VWA8: variants seen among roughly 807,000 people sequenced by gnomAD.
VWA8 encodes von Willebrand factor A domain-containing protein 8.
A neutral mutation model predicts 241.5 loss-of-function variants in VWA8; 221 were observed. That is an observed-to-expected ratio of 0.91 (90% CI 0.82 to 1.02). The LOEUF (loss-of-function observed/expected upper bound fraction) is 1.02, where lower values mean the gene tolerates loss of function less well. Ranked by LOEUF, VWA8 falls within the 50% of genes least tolerant of loss-of-function variation. The probability of loss-of-function intolerance (pLI) is 0.00; values close to 1 mark genes in which losing one functional copy is unlikely to be tolerated. For missense variants in VWA8, 2,322 were observed against 2,328.7 expected, an observed-to-expected ratio of 1.00 and a Z score of 0.06; for synonymous variants, 852 against 827.1, an observed-to-expected ratio of 1.03 and a Z score of -0.52.
intron 14 of VWA8, among the ~76,000 whole-genome samples, chr13:41,824,460 A>G (rs899891314): frequency 6.6e-6 from 1 of 152,166 alleles, no homozygotes; most frequent in Non-Finnish European, 1.5e-5. Flanking sequence ...TCTCTAAGAC[A>G]CCTAAGGAGA....
intron 12 of VWA8, among the ~76,000 whole-genome samples, chr13:41,859,060 G>C (rs1872887396): frequency 6.8e-6 from 1 of 146,930 alleles, no homozygotes; most frequent in African/African-American, 2.5e-5. Context: ...CTGGTGGACA[G>C]AGCAAAAACC....
At chr13:41,739,690 T>C (rs1354346901) in intron 21 of VWA8, among the ~76,000 whole-genome samples, 1 of 152,158 alleles carries the variant, frequency 6.6e-6, no homozygotes, top group Non-Finnish European at 1.5e-5. Context: ...ACCTATTTTA[T>C]TGAGTCTTTA....
intron 20 of VWA8, among the ~76,000 whole-genome samples, chr13:41,763,030 GGCTTAAGTGGGA>G (rs1373378977): frequency 6.6e-6 from 1 of 152,012 alleles, no homozygotes; most frequent in Non-Finnish European, 1.5e-5. Context: ...AGATTTGGGT[GGCTTAAGTGGGA>G]GGATCACTTG....
chr13:41,721,674 T>C (rs1460675403), intron 24 of VWA8, 99 bp from the exon 25 acceptor site: 2 of 1,281,692 alleles, frequency 1.6e-6, no homozygotes, highest in Non-Finnish European at 2.1e-6. Context: ...TGGTTGCTCA[T>C]CAAAGCATAG....
chr13:41,795,352 T>G (rs1283430544), intron 17 of VWA8, among the ~76,000 whole-genome samples: 2 of 152,110 alleles, frequency 1.3e-5, no homozygotes, highest in African/African-American at 2.4e-5. Context: ...TTGGTCAGAG[T>G]GTAAATTAGT....
At chr13:41,843,773 C>T (rs1471525240) in intron 12 of VWA8, among the ~76,000 whole-genome samples, 1 of 152,014 alleles carries the variant, frequency 6.6e-6, no homozygotes, top group East Asian at 1.9e-4. Context: ...CACACAACCT[C>T]CCAAGACTGA....
intron 15 of VWA8, among the ~76,000 whole-genome samples, chr13:41,817,199 T>A (rs1018943125): frequency 1.3e-5 from 2 of 152,156 alleles, no homozygotes; most frequent in African/African-American, 4.8e-5. Flanking sequence ...TTAGCAGCAA[T>A]CTTACATACA....
intron 30 of VWA8, 132 bp downstream of exon 30, chr13:41,692,730 G>A (rs960558990): frequency 1.7e-6 from 1 of 601,824 alleles, no homozygotes. Context: ...AAATCTATAC[G>A]TGCATAACAG....
chr13:41,826,682 C>A (rs1447446754), intron 14 of VWA8, among the ~76,000 whole-genome samples: 2 of 151,872 alleles, frequency 1.3e-5, no homozygotes, highest in Admixed American at 6.6e-5. Flanking sequence ...CATGCCTCAG[C>A]AACACAGTGA....
intron 21 of VWA8, among the ~76,000 whole-genome samples, chr13:41,749,676 T>C (rs2045638928): frequency 6.6e-6 from 1 of 152,022 alleles, no homozygotes; most frequent in South Asian, 2.1e-4. Flanking sequence ...TATGCAGCCA[T>C]AAAAAATGAT....
intron 2 of VWA8, among the ~76,000 whole-genome samples, chr13:41,930,378 A>G (rs1877048683): frequency 6.6e-6 from 1 of 152,242 alleles, no homozygotes; most frequent in African/African-American, 2.4e-5. Context: ...TATATACCCA[A>G]AGGAAATAAA....
intron 10 of VWA8, among the ~76,000 whole-genome samples, chr13:41,866,892 A>T (rs1396819109): frequency 2.0e-5 from 3 of 151,922 alleles, no homozygotes; most frequent in African/African-American, 7.3e-5. Context: ...TTTTACATCT[A>T]CTTCTCATTT....
intron 17 of VWA8, among the ~76,000 whole-genome samples, chr13:41,810,475 A>G (rs1474532777): frequency 1.3e-5 from 2 of 152,174 alleles, no homozygotes; most frequent in Non-Finnish European, 2.9e-5. Flanking sequence ...ATTTGCAACA[A>G]CATGGATGGA....
At chr13:41,925,507 C>G (rs1876788415) in intron 2 of VWA8, 1 of 152,780 alleles carries the variant, frequency 6.5e-6, no homozygotes, top group Non-Finnish European at 1.5e-5. Context: ...GCGTAAAAGT[C>G]TAGAGTTTTT....
intron 21 of VWA8, 66 bp downstream of exon 21, chr13:41,761,062 T>C: frequency 6.6e-7 from 1 of 1,504,750 alleles, no homozygotes. Context: ...TATTTTTAAA[T>C]TGTACCAGGA....
intron 28 of VWA8, 44 bp from the exon 29 acceptor site, chr13:41,699,314 T>G (rs759205719): frequency 2.5e-6 from 4 of 1,593,904 alleles, no homozygotes; most frequent in Non-Finnish European, 3.4e-6. Context: ...GGCAACCAAT[T>G]CTCTAATTGG....
chr13:41,919,072 G>GA (rs1012287012), intron 2 of VWA8, among the ~76,000 whole-genome samples: 5 of 151,924 alleles, frequency 3.3e-5, no homozygotes, highest in Admixed American at 1.3e-4. Flanking sequence ...CCAAACAAAT[G>GA]AAAAAACGAC....
chr13:41,738,443 A>G (rs1488835444), intron 21 of VWA8, among the ~76,000 whole-genome samples: 1 of 152,168 alleles, frequency 6.6e-6, no homozygotes, highest in Non-Finnish European at 1.5e-5. Context: ...AAACATTTCA[A>G]AATGTGTTTA....
intron 37 of VWA8, among the ~76,000 whole-genome samples, chr13:41,661,688 T>TATGTAATTAC (rs2044950979): frequency 6.6e-6 from 1 of 152,368 alleles, no homozygotes; most frequent in East Asian, 1.9e-4. Flanking sequence ...TCACAGTCTC[T>TATGTAATTAC]ATGTAATTAC....
Sources: gnomAD v4.1 joint callset for allele counts (sites outside exome capture counted in the v4.1 genomes callset) on GRCh38, gnomAD v4.1.1 for gene constraint, MANE v1.5 for transcripts, NCBI Gene and HGNC (gene_info 2026-07-23, HGNC 2026-07-21) for gene names.